Variants in UBE2D2 observed in about 807,000 individuals in gnomAD.
The protein encoded by UBE2D2 is ubiquitin conjugating enzyme E2 D2.
Under a neutral mutation model 24.2 loss-of-function variants are expected in UBE2D2, and 2 were observed. That is an observed-to-expected ratio of 0.08 (90% CI 0.03 to 0.26). The LOEUF (loss-of-function observed/expected upper bound fraction) is 0.26, where lower values mean the gene tolerates loss of function less well. UBE2D2 is among the 10% of genes least tolerant of loss of function. The pLI, the probability that UBE2D2 is intolerant of heterozygous loss-of-function variation, is 1.00. For missense variants in UBE2D2, 44 were observed against 177.6 expected (o/e 0.25, Z 4.28); for synonymous variants, 58 against 56.5 (o/e 1.03, Z -0.12).
intron 5 of UBE2D2, among the ~76,000 whole-genome samples, chr5:139,620,900 G>GA (rs1255953829): frequency 6.6e-6 from 1 of 152,242 alleles, no homozygotes; most frequent in African/African-American, 2.4e-5. Flanking sequence ...TGAACTTAAT[G>GA]TAATCAGTGA....
At position 139,540,993 on chromosome 5, in the gene UBE2D2, CA is replaced by C. The variant is rs969269701; in HGVS notation, c.-64+14393del. Among the ~76,000 whole-genome samples, 695 of 136,822 alleles carry C rather than the reference CA, an allele frequency of 5.1e-3. 4 individuals carry two copies. Among genetic ancestry groups the C allele is most frequent in the Middle Eastern group, 0.016 (4 of 258 alleles). 89.8% of individuals were successfully genotyped at this position (136,822 alleles called of 152,430 possible). A position where few individuals can be genotyped will look rare whatever the true frequency, so the allele number is the denominator to read the frequency against. ...GGGCGACAAGAGCAAAACTCAGTCT[CA>C]AAAAAAAAAAAGTCTGGATGCAGCT... is the stretch of plus-strand genomic sequence containing the variant. On this transcript the variant is annotated intron_variant, in intron 1 of 6. Coordinates refer to the UBE2D2 transcript ENST00000511725.
chr5:139,576,512 A>C (rs75037583), intron 1 of UBE2D2, among the ~76,000 whole-genome samples: 3 of 151,896 alleles, frequency 2.0e-5, no homozygotes, highest in African/African-American at 7.3e-5. Flanking sequence ...CGGACTACAG[A>C]CACGTGCCAC....
chr5:139,570,533 A>G (rs1242375942), intron 1 of UBE2D2, among the ~76,000 whole-genome samples: 1 of 150,604 alleles, frequency 6.6e-6, no homozygotes, highest in Non-Finnish European at 1.5e-5. Flanking sequence ...TTTATTTGAG[A>G]TGGAGTCTAG....
intron 1 of UBE2D2, among the ~76,000 whole-genome samples, chr5:139,531,625 C>CAAAAAAGAA (rs1376143971): frequency 7.2e-5 from 7 of 97,354 alleles, no homozygotes; most frequent in Non-Finnish European, 1.3e-4. Flanking sequence ...AGACCCTATC[C>CAAAAAAGAA]AAAAAAAAAA....
At chr5:139,547,668 A>T (rs1009741625) in intron 1 of UBE2D2, among the ~76,000 whole-genome samples, 3 of 151,690 alleles carry the variant, frequency 2.0e-5, no homozygotes, top group Non-Finnish European at 4.4e-5. Context: ...GGTGCCTGCC[A>T]CCACACCCGG....
At chr5:139,606,598 A>G (rs1046718764) in intron 2 of UBE2D2, among the ~76,000 whole-genome samples, 1 of 152,210 alleles carries the variant, frequency 6.6e-6, no homozygotes, top group Non-Finnish European at 1.5e-5. Context: ...TATTAAACCA[A>G]CATAGTGCTG....
At chr5:139,578,219 C>T (rs1026384576) in intron 1 of UBE2D2, among the ~76,000 whole-genome samples, 5 of 152,152 alleles carry the variant, frequency 3.3e-5, no homozygotes, top group African/African-American at 4.8e-5. Context: ...ACCACTGCTC[C>T]TCATCTCCTG....
At chr5:139,604,277 T>A (rs1754147949) in intron 2 of UBE2D2, among the ~76,000 whole-genome samples, 1 of 151,662 alleles carries the variant, frequency 6.6e-6, no homozygotes, top group South Asian at 2.1e-4. Flanking sequence ...AGTAGCTGAT[T>A]ATAGGCACGT....
intron 1 of UBE2D2, among the ~76,000 whole-genome samples, chr5:139,568,417 T>C (rs1257488690): frequency 5.9e-5 from 9 of 151,728 alleles, no homozygotes; most frequent in African/African-American, 1.7e-4. Context: ...CCCAGCACTT[T>C]GGGAGGCCAA....
At chr5:139,563,933 C>A (rs752304402) in intron 1 of UBE2D2, among the ~76,000 whole-genome samples, 36 of 145,108 alleles carry the variant, frequency 2.5e-4, no homozygotes, top group Non-Finnish European at 4.9e-4. Context: ...GACTCCCTTT[C>A]AAAAAAAAAA....
At chr5:139,566,949 T>C (rs368974016) in intron 1 of UBE2D2, among the ~76,000 whole-genome samples, 1 of 152,018 alleles carries the variant, frequency 6.6e-6, no homozygotes, top group Non-Finnish European at 1.5e-5. Flanking sequence ...AAATACGCAT[T>C]TTTGGTCGAC....
At chr5:139,601,411 TTGGTCAACA>T (rs1754070395) in intron 2 of UBE2D2, among the ~76,000 whole-genome samples, 1 of 151,994 alleles carries the variant, frequency 6.6e-6, no homozygotes, top group African/African-American at 2.4e-5. Flanking sequence ...CAAGACCAGC[TTGGTCAACA>T]TGGTGAAGCC....
At position 139,547,512 on chromosome 5, in the gene UBE2D2, C is replaced by CT. The variant is rs201287659; in HGVS notation, c.-64+20910dup. On this transcript the variant is annotated intron_variant, in intron 1 of 6. Transcript: ENST00000511725. The stretch of plus-strand genomic sequence containing the variant: ...TACATGCGTGGGCCACCATGCCTGG[C>CT]TTTTTTTTTTGTTCTTGAGATGGAG... Among the ~76,000 whole-genome samples the CT allele has an allele frequency of 2.7e-3, 391 of 145,806 alleles. 2 individuals are homozygous for CT. Among genetic ancestry groups the CT allele is most frequent in the African/African-American group, 8.9e-3 (358 of 40,006 alleles).
intron 2 of UBE2D2, among the ~76,000 whole-genome samples, chr5:139,602,482 G>T (rs556579422): frequency 6.6e-6 from 1 of 152,280 alleles, no homozygotes; most frequent in Admixed American, 6.5e-5. Flanking sequence ...TGCGAGACCA[G>T]CCTGGGCAAC....
At chr5:139,600,262 A>G in intron 1 of UBE2D2, 110 bp from the exon 2 acceptor site, 1 of 1,173,510 alleles carries the variant, frequency 8.5e-7, no homozygotes, top group Non-Finnish European at 1.2e-6. Context: ...GAATGCTCTT[A>G]AGAGAGTTTC....
chr5:139,557,222 C>T (rs546487606), upstream of UBE2D2, among the ~76,000 whole-genome samples: 1 of 151,980 alleles, frequency 6.6e-6, no homozygotes, highest in Non-Finnish European at 1.5e-5. Context: ...CAACCTCCGC[C>T]TCCCGGGTTC....
At chr5:139,600,261 TA>T in intron 1 of UBE2D2, 110 bp from the exon 2 acceptor site, 1 of 1,173,594 alleles carries the variant, frequency 8.5e-7, no homozygotes, top group Non-Finnish European at 1.2e-6. Flanking sequence ...GGAATGCTCT[TA>T]AGAGAGTTTC....
chr5:139,617,758 C>T (rs1219611603), intron 5 of UBE2D2, among the ~76,000 whole-genome samples: 1 of 151,918 alleles, frequency 6.6e-6, no homozygotes, highest in Non-Finnish European at 1.5e-5. Flanking sequence ...CACATTGGCC[C>T]CTGTATTCCT....
At chr5:139,542,520 C>T (rs777205941) in intron 1 of UBE2D2, among the ~76,000 whole-genome samples, 9 of 152,062 alleles carry the variant, frequency 5.9e-5, no homozygotes, top group African/African-American at 1.4e-4. Flanking sequence ...GGGGTTTTGC[C>T]GTGTTGGCTA....
Sources: allele counts gnomAD v4.1 joint callset (sites outside exome capture counted in the v4.1 genomes callset), GRCh38; gene constraint gnomAD v4.1.1; transcripts MANE v1.5; gene names NCBI Gene and HGNC (gene_info 2026-07-23, HGNC 2026-07-21).